TNS3: variants seen among roughly 807,000 people sequenced by gnomAD.
TNS3 encodes the protein tensin-3.
Under a neutral mutation model 140.9 loss-of-function variants are expected in TNS3, and 45 were observed. The observed-to-expected ratio is 0.32, with a 90% CI of 0.25 to 0.41. The LOEUF (loss-of-function observed/expected upper bound fraction) is 0.41. Ranked by LOEUF, TNS3 falls within the 10% of genes least tolerant of loss-of-function variation. TNS3 has a pLI of 1.00. For missense variants in TNS3, 1,716 were observed against 1,906.7 expected (o/e 0.90, Z 1.86); for synonymous variants, 815 against 788.4 (o/e 1.03, Z -0.56).
chr7:47,329,240 CTT>C (rs1485701038), intron 20 of TNS3, among the ~76,000 whole-genome samples: 1 of 152,182 alleles, frequency 6.6e-6, no homozygotes, highest in Non-Finnish European at 1.5e-5. Flanking sequence ...CCTGGCTTCT[CTT>C]GTCTCTTGTG....
At chr7:47,364,839 G>A (rs1224054740) in intron 17 of TNS3, among the ~76,000 whole-genome samples, 2 of 152,202 alleles carry the variant, frequency 1.3e-5, no homozygotes, top group African/African-American at 4.8e-5. Flanking sequence ...TTGCTCATGT[G>A]TGGCAGGGTT....
chr7:47,478,736 C>T lies in TNS3; in HGVS notation c.-76+2367G>A, dbSNP rs1488467020. Among the ~76,000 whole-genome samples, 4 of 152,052 alleles carry T rather than the reference C, an allele frequency of 2.6e-5. No homozygotes were observed. In the East Asian group the frequency reaches 5.8e-4, roughly 22 times the overall value. ...ATACATAACTCTCATATGTATGGCA[C>T]ATGTATGTATTCATGTGTTGACACA... is the stretch of plus-strand genomic sequence containing the variant. On this transcript the variant is annotated intron_variant, in intron 4 of 30. Transcript: ENST00000311160.
At chr7:47,320,806 C>T (rs972257006) in intron 20 of TNS3, among the ~76,000 whole-genome samples, 6 of 152,174 alleles carry the variant, frequency 3.9e-5, no homozygotes, top group African/African-American at 9.6e-5. Context: ...CAGCCTAACA[C>T]GAATTGTGTG....
intron 3 of TNS3, among the ~76,000 whole-genome samples, chr7:47,494,224 G>A (rs1797918344): frequency 6.6e-6 from 1 of 152,152 alleles, no homozygotes; most frequent in Non-Finnish European, 1.5e-5. Flanking sequence ...GGGTGGGTAT[G>A]CCAATCCTAA....
At chr7:47,481,740 T>A in intron 3 of TNS3, 1 of 984,526 alleles carries the variant, frequency 1.0e-6, no homozygotes, top group Non-Finnish European at 1.2e-6. Context: ...CTGGGAAAGA[T>A]AAAGAAAGTA....
At position 47,442,637 on chromosome 7, in the gene TNS3, A is replaced by G. The variant is rs183697410; in HGVS notation, c.-75-582T>C. ...TGTGTGAGTAAGAAGGCTCTTCAAT[A>G]TTTCAGAAGTGAGGAAATTGGGACT... is the stretch of plus-strand genomic sequence containing the variant. On this transcript the variant is annotated intron_variant, in intron 4 of 30. Coordinates refer to ENST00000311160, the MANE Select transcript of TNS3 (RefSeq NM_022748.12). Among the ~76,000 whole-genome samples the G allele has an allele frequency of 1.8e-4, 27 of 152,342 alleles. No homozygotes were observed. In the East Asian group the frequency reaches 4.8e-3, roughly 27 times the overall value.
At chr7:47,518,275 C>T (rs117006429) in intron 2 of TNS3, among the ~76,000 whole-genome samples, 1,608 of 152,244 alleles carry the variant, frequency 0.011, 10 homozygotes, top group Middle Eastern at 0.02. Context: ...CCTCTCTGTG[C>T]GCCCGTGTGG....
intron 1 of TNS3, among the ~76,000 whole-genome samples, chr7:47,571,960 C>A (rs911544840): frequency 6.6e-6 from 1 of 152,248 alleles, no homozygotes; most frequent in African/African-American, 2.4e-5. Flanking sequence ...TCCCACTCCT[C>A]TCACCGCCAG....
chr7:47,384,207 T>C (rs1243122606), intron 16 of TNS3, among the ~76,000 whole-genome samples: 3 of 152,218 alleles, frequency 2.0e-5, no homozygotes, highest in Non-Finnish European at 4.4e-5. Flanking sequence ...TGCTCCAATG[T>C]CAGGCCCCTC....
chr7:47,509,204 C>A (rs576963037), intron 2 of TNS3, among the ~76,000 whole-genome samples: 35 of 152,322 alleles, frequency 2.3e-4, no homozygotes, highest in Non-Finnish European at 4.1e-4. Flanking sequence ...GCCATCGGCA[C>A]TGTAGGGCAA....
rs1786521998 is a variant in TNS3 at position 47,303,253 on chromosome 7, T to TG, written c.3153dup (p.Ser1052GlnfsTer49). 6.2e-7 allele frequency: 1 copy of TG among 1,613,658 alleles called. No homozygotes were observed. Among genetic ancestry groups the TG allele is most frequent in the Non-Finnish European group, 8.5e-7 (1 of 1,179,966 alleles). On this transcript the variant is annotated frameshift_variant, in exon 22 of 31. Transcript: ENST00000311160. LOFTEE classifies it high-confidence loss of function. ...GCCCCTGTCGCTGTCAGCGGGATGC[T>TG]GGGGGTCGGTGACGCTCCATGAGAA...
intron 20 of TNS3, among the ~76,000 whole-genome samples, chr7:47,316,101 T>C (rs1377932064): frequency 1.2e-3 from 13 of 11,144 alleles, no homozygotes; most frequent in Middle Eastern, 0.042. Flanking sequence ...TATTTCTCTC[T>C]CTCTCTCTCT....
chr7:47,309,472 G>C (rs554438919), intron 20 of TNS3, among the ~76,000 whole-genome samples: 1 of 152,092 alleles, frequency 6.6e-6, no homozygotes, highest in Non-Finnish European at 1.5e-5. Context: ...ACAAGCCGGA[G>C]GTTTGTGTTT....
At chr7:47,286,396 A>G (rs1584315009) in intron 27 of TNS3, among the ~76,000 whole-genome samples, 1 of 152,192 alleles carries the variant, frequency 6.6e-6, no homozygotes, top group East Asian at 1.9e-4. Context: ...ACATCAACCA[A>G]CTGACACCAA....
rs542960841 is a variant in TNS3 at position 47,333,994 on chromosome 7, G to C, written c.2650+10761C>G. Among the ~76,000 whole-genome samples the C allele has an allele frequency of 4.6e-5, 7 of 152,230 alleles. 1 individual carries two copies. The East Asian group carries it at 9.7e-4, about 21-fold the overall frequency. Reference sequence around the variant, plus strand: ...GTTATGCAAACTGTTCAAGATCATAGAGCTACAGAGGGTAAGGACCAGTGC... The same window carrying C: ...GTTATGCAAACTGTTCAAGATCATACAGCTACAGAGGGTAAGGACCAGTGC... On this transcript the variant is annotated intron_variant, in intron 20 of 30. Coordinates refer to ENST00000311160, the MANE Select transcript of TNS3 (RefSeq NM_022748.12).
At chr7:47,510,061 C>CT (rs1798553651) in intron 2 of TNS3, among the ~76,000 whole-genome samples, 1 of 152,228 alleles carries the variant, frequency 6.6e-6, no homozygotes, top group Admixed American at 6.5e-5. Context: ...AAGAAGCTAC[C>CT]TATCTTCGCC....
intron 2 of TNS3, among the ~76,000 whole-genome samples, chr7:47,511,351 G>A (rs776945275): frequency 6.6e-6 from 1 of 151,878 alleles, no homozygotes; most frequent in African/African-American, 2.4e-5. Context: ...CTTGATTAAG[G>A]CTGCATAACA....
At chr7:47,311,796 A>C (rs1208107261) in intron 20 of TNS3, among the ~76,000 whole-genome samples, 1 of 152,230 alleles carries the variant, frequency 6.6e-6, no homozygotes, top group Non-Finnish European at 1.5e-5. Context: ...TCAAGAAATC[A>C]AGCCACAAGT....
At chr7:47,441,909 T>C in intron 5 of TNS3, 94 bp downstream of exon 5, 1 of 925,582 alleles carries the variant, frequency 1.1e-6, no homozygotes, top group Non-Finnish European at 1.5e-6. Flanking sequence ...TTATGATTTC[T>C]ACAGAAGAAA....
Sources: gnomAD v4.1 joint callset for allele counts (sites outside exome capture counted in the v4.1 genomes callset) on GRCh38, gnomAD v4.1.1 for gene constraint, MANE v1.5 for transcripts, NCBI Gene and HGNC (gene_info 2026-07-23, HGNC 2026-07-21) for gene names.